CLEC16A: variants seen among roughly 807,000 people sequenced by gnomAD.
CLEC16A encodes C-type lectin domain containing 16A.
Under a neutral mutation model 109.5 loss-of-function variants are expected in CLEC16A, and 51 were observed. That is an observed-to-expected ratio of 0.47 (90% CI 0.37 to 0.59). The LOEUF (loss-of-function observed/expected upper bound fraction) is 0.59. Ranked by LOEUF, CLEC16A falls within the 20% of genes least tolerant of loss-of-function variation. The probability of loss-of-function intolerance (pLI) is 0.00; values close to 1 mark genes in which losing one functional copy is unlikely to be tolerated. For missense variants in CLEC16A, 1,339 were observed against 1,394.0 expected (o/e 0.96, Z 0.63); for synonymous variants, 673 against 564.2 (o/e 1.19, Z -2.73).
chr16:10,990,473 G>T (rs1438925216), intron 10 of CLEC16A, among the ~76,000 whole-genome samples: 1 of 152,242 alleles, frequency 6.6e-6, no homozygotes, highest in Non-Finnish European at 1.5e-5. Context: ...AAGGGAGCAG[G>T]CTTTAGCCAG....
At chr16:11,015,168 T>G (rs79389789) in intron 11 of CLEC16A, among the ~76,000 whole-genome samples, 20,831 of 152,178 alleles carry the variant, frequency 0.14, 1,427 homozygotes, top group South Asian at 0.15. Context: ...TCCGCATTCA[T>G]CTAGAAAATT....
intron 19 of CLEC16A, among the ~76,000 whole-genome samples, chr16:11,099,278 G>A (rs1342912444): frequency 6.6e-6 from 1 of 152,218 alleles, no homozygotes; most frequent in African/African-American, 2.4e-5. Flanking sequence ...AGTGGACAGG[G>A]TCTCGTTTTC....
intron 22 of CLEC16A, among the ~76,000 whole-genome samples, chr16:11,162,007 A>C (rs1291644205): frequency 6.6e-6 from 1 of 152,226 alleles, no homozygotes; most frequent in Non-Finnish European, 1.5e-5. Flanking sequence ...TCTCGAAGTC[A>C]GTTTGGGCAG....
In CLEC16A at chr16:11,042,369, G is replaced by A. The variant is rs200315793; in HGVS notation, c.1770+6G>A. 441 of 1,561,938 alleles carry A rather than the reference G, an allele frequency of 2.8e-4. 3 individuals are homozygous for A. In the South Asian group the frequency reaches 4.6e-3, roughly 16 times the overall value. On this transcript the variant is annotated splice_donor_region_variant and intron_variant, in intron 15 of 23. Coordinates refer to ENST00000409790, the MANE Select transcript of CLEC16A (RefSeq NM_015226.3). The stretch of plus-strand genomic sequence containing the variant: ...TGCACCTGGCCTGCCTGGAGGTAAC[G>A]CCCTCTCCGCTCCTCCTTCCTGTGG...
intron 13 of CLEC16A, among the ~76,000 whole-genome samples, chr16:11,031,162 C>T (rs747774733): frequency 2.0e-5 from 3 of 152,202 alleles, no homozygotes; most frequent in African/African-American, 4.8e-5. Context: ...GCCTGGCACT[C>T]AGTCAGTGCT....
At chr16:11,109,210 G>T (rs1347670598) in intron 19 of CLEC16A, among the ~76,000 whole-genome samples, 1 of 149,530 alleles carries the variant, frequency 6.7e-6, no homozygotes, top group African/African-American at 2.5e-5. Flanking sequence ...CTGTCACCCA[G>T]GCAGTGGTGC....
At chr16:11,067,360 TA>T (rs973816941) in intron 19 of CLEC16A, among the ~76,000 whole-genome samples, 17 of 142,540 alleles carry the variant, frequency 1.2e-4, no homozygotes, top group African/African-American at 3.9e-4. Context: ...TGACGGGGTT[TA>T]ACCTGGCTGG....
chr16:11,166,474 G>A lies in CLEC16A; in HGVS notation c.2728G>A (p.Gly910Ser), dbSNP rs200377942. ...SPPSASGSPS[G>S]SGSTSHCDSG... ...ACCCTCCGCCAGCGGGAGCCCCAGC[G>A]GCAGCGGGAGCACCAGCCACTGCGA... Residue 910 changes from glycine (G) to serine (S), a missense_variant, in exon 23 of 24, where the codon GGC becomes AGC. Around this residue, in one of 3 missense-constraint regions of CLEC16A, gnomAD observed 1,061 missense variants for 1,006.8 expected, o/e 1.05. Transcript: ENST00000409790. The A allele has an allele frequency of 2.9e-4, 469 of 1,608,296 alleles. 1 individual carries two copies. The highest frequency in any genetic ancestry group is 1.7e-4 in the Middle Eastern group (1 of 6,060).
At chr16:11,031,254 G>T (rs1336232807) in intron 13 of CLEC16A, among the ~76,000 whole-genome samples, 6 of 152,178 alleles carry the variant, frequency 3.9e-5, no homozygotes. Flanking sequence ...TTGTAGCTCA[G>T]GGCTTCAGCA....
chr16:10,991,865 C>T (rs1011786673), intron 10 of CLEC16A, among the ~76,000 whole-genome samples: 16 of 152,230 alleles, frequency 1.1e-4, no homozygotes, highest in Middle Eastern at 3.2e-3. Context: ...CTCAGAGACC[C>T]CTGCCCTTTC....
intron 22 of CLEC16A, among the ~76,000 whole-genome samples, chr16:11,152,569 G>A (rs2054334264): frequency 6.6e-6 from 1 of 152,242 alleles, no homozygotes; most frequent in Non-Finnish European, 1.5e-5. Context: ...AATCCCCTCT[G>A]TTGTCTAGAA....
chr16:10,969,058 G>C (rs2042653232), intron 3 of CLEC16A, 103 bp from the exon 4 acceptor site: 1 of 933,628 alleles, frequency 1.1e-6, no homozygotes, highest in Non-Finnish European at 1.6e-6. Flanking sequence ...CAGCAACCCA[G>C]AGGCTTACCT....
rs537961069 is a variant in CLEC16A, at chr16:11,051,426, G to A, written c.1867-87G>A. The A allele has an allele frequency of 8.7e-6, 12 of 1,386,816 alleles. No individual in the cohort carries two copies. The East Asian group carries it at 2.6e-4, about 30-fold the overall frequency. The allele number at this position is 1,386,816 out of a possible 1,614,324, so 85.9% of individuals were successfully genotyped here. ...TTTACATTTACTAAATGCGGTTGAA[G>A]GCGAGGGGCCTGTGCAACCTCCCCC... On this transcript the variant is annotated intron_variant, in intron 17 of 23. Coordinates refer to ENST00000409790, the MANE Select transcript of CLEC16A (RefSeq NM_015226.3).
intron 1 of CLEC16A, among the ~76,000 whole-genome samples, chr16:10,952,157 T>G (rs2041767236): frequency 6.6e-6 from 1 of 152,238 alleles, no homozygotes; most frequent in Non-Finnish European, 1.5e-5. Context: ...TGTCAAAGTT[T>G]CCTACTTCTC....
intron 19 of CLEC16A, among the ~76,000 whole-genome samples, chr16:11,076,016 A>G (rs143243736): frequency 7.0e-4 from 106 of 152,340 alleles, no homozygotes; most frequent in African/African-American, 2.4e-3. Flanking sequence ...CAGCTTAAGC[A>G]TCACATAGAT....
At chr16:11,128,356 G>C (rs925441080) in intron 22 of CLEC16A, among the ~76,000 whole-genome samples, 1 of 152,202 alleles carries the variant, frequency 6.6e-6, no homozygotes, top group Non-Finnish European at 1.5e-5. Context: ...AGTGTGGCCC[G>C]GCTCCAGAAC....
chr16:10,987,765 T>G (rs1434690534), intron 10 of CLEC16A, among the ~76,000 whole-genome samples: 1 of 152,226 alleles, frequency 6.6e-6, no homozygotes, highest in African/African-American at 2.4e-5. Context: ...TCCTATTGTT[T>G]CCTGCCCAAC....
At chr16:10,948,044 C>T (rs2041499627) in intron 1 of CLEC16A, among the ~76,000 whole-genome samples, 1 of 152,078 alleles carries the variant, frequency 6.6e-6, no homozygotes, top group Non-Finnish European at 1.5e-5. Context: ...CAGGCGCCCG[C>T]CACCACGCCC....
At chr16:10,997,198 G>A (rs1363558212) in intron 10 of CLEC16A, among the ~76,000 whole-genome samples, 1 of 152,214 alleles carries the variant, frequency 6.6e-6, no homozygotes, top group African/African-American at 2.4e-5. Flanking sequence ...CTGGGCTCAA[G>A]TGATCCTCCT....
Sources: allele counts gnomAD v4.1 joint callset (sites outside exome capture counted in the v4.1 genomes callset), GRCh38; gene constraint gnomAD v4.1.1; regional missense constraint gnomAD v4.1.1; transcripts MANE v1.5; gene names NCBI Gene and HGNC (gene_info 2026-07-23, HGNC 2026-07-21).